SLC28A3: variants seen among roughly 807,000 people sequenced by gnomAD.
The protein encoded by SLC28A3 is concentrative Na(+)-nucleoside cotransporter 3.
Under a neutral mutation model 84.2 loss-of-function variants are expected in SLC28A3, and 68 were observed. That is an observed-to-expected ratio of 0.81 (90% CI 0.66 to 0.99). The LOEUF (loss-of-function observed/expected upper bound fraction) is 0.99. SLC28A3 is among the 50% of genes least tolerant of loss of function. The probability of loss-of-function intolerance (pLI) is 0.00; values close to 1 mark genes in which losing one functional copy is unlikely to be tolerated. For missense variants in SLC28A3, 712 were observed against 841.5 expected (o/e 0.85, Z 1.90); for synonymous variants, 267 against 303.6 (o/e 0.88, Z 1.25).
intron 3 of SLC28A3, among the ~76,000 whole-genome samples, chr9:84,306,256 C>T (rs1455383898): frequency 3.3e-5 from 5 of 152,142 alleles, no homozygotes; most frequent in Non-Finnish European, 7.4e-5. Flanking sequence ...TTTCTCCTCC[C>T]GTATAGATGA....
chr9:84,348,729 G>T, the SLC28A3 span, among the ~76,000 whole-genome samples: 1 of 152,166 alleles, frequency 6.6e-6, no homozygotes, highest in Non-Finnish European at 1.5e-5. Context: ...TGAGGAGTGG[G>T]TTAGTTATCC....
At chr9:84,357,556 G>C in the SLC28A3 span, among the ~76,000 whole-genome samples, 2 of 152,180 alleles carry the variant, frequency 1.3e-5, no homozygotes, top group East Asian at 3.9e-4. Flanking sequence ...GACCAAGTCT[G>C]AGAGCCTCAA....
intron 1 of SLC28A3, among the ~76,000 whole-genome samples, chr9:84,330,564 A>C (rs919024325): frequency 1.3e-5 from 2 of 152,232 alleles, no homozygotes; most frequent in African/African-American, 4.8e-5. Flanking sequence ...AATTTAAATT[A>C]AAAACTGAAC....
At chr9:84,297,177 C>T (rs376183826) in intron 8 of SLC28A3, 44 bp downstream of exon 8, 96 of 1,534,258 alleles carry the variant, frequency 6.3e-5, no homozygotes, top group East Asian at 3.6e-4. Context: ...AGACAGAAGC[C>T]GCTGAAATAG....
At chr9:84,303,548 GACCTCAGGTGATCCACCC>G (rs1825699168) in intron 4 of SLC28A3, among the ~76,000 whole-genome samples, 1 of 152,152 alleles carries the variant, frequency 6.6e-6, no homozygotes, top group Non-Finnish European at 1.5e-5. Context: ...TTGAACTCTT[GACCTCAGGTGATCCACCC>G]ACCTCGGCCT....
At chr9:84,338,268 T>C (rs140137585) in intron 1 of SLC28A3, among the ~76,000 whole-genome samples, 36 of 152,340 alleles carry the variant, frequency 2.4e-4, no homozygotes, top group African/African-American at 8.4e-4. Flanking sequence ...GGTGGCATGT[T>C]AATGCATATT....
In SLC28A3 at chr9:84,302,335, G is replaced by A; in HGVS notation, c.389C>T (p.Pro130Leu). ...ACVLNFHRAL[P>L]LFVITVAAIF... The stretch of plus-strand genomic sequence containing the variant: ...GGCAGCCACGGTGATCACAAAAAGA[G>A]GAAGGGCTCTGTGAAAGTTCAGCAC... Residue 130 changes from proline to leucine, a missense_variant, in exon 5 of 18, where the codon CCT (proline) becomes CTT (leucine). Transcript: ENST00000376238. The A allele has an allele frequency of 6.2e-7, 1 of 1,614,092 alleles. No individual in the cohort carries two copies. The highest frequency in any genetic ancestry group is 8.5e-7 in the Non-Finnish European group (1 of 1,179,992).
Position 84,309,623 on chromosome 9 carries a change from CTG to C in SLC28A3, c.242+4_242+5del, listed in dbSNP as rs773826607. Reference sequence around the variant, plus strand: ...CTTGGTTATTTCCCTGTTTTAAAGACTGTACCCTTTTTGTTGCATCTCCTCAT... The same window carrying C: ...CTTGGTTATTTCCCTGTTTTAAAGACTACCCTTTTTGTTGCATCTCCTCAT... On this transcript the variant is annotated splice_donor_5th_base_variant and intron_variant, in intron 3 of 17. Coordinates refer to ENST00000376238, the MANE Select transcript of SLC28A3 (RefSeq NM_001199633.2). 1.9e-6 allele frequency: 3 copies of C among 1,582,682 alleles called. No individual in the cohort carries two copies. The highest frequency in any genetic ancestry group is 2.6e-6 in the Non-Finnish European group (3 of 1,160,318).
chr9:84,360,820 G>A, the SLC28A3 span, among the ~76,000 whole-genome samples: 1 of 152,116 alleles, frequency 6.6e-6, no homozygotes, highest in South Asian at 2.1e-4. Flanking sequence ...GGAGGCTGAG[G>A]TGGAAGGATC....
intron 1 of SLC28A3, among the ~76,000 whole-genome samples, chr9:84,317,225 A>G (rs1171786348): frequency 6.6e-6 from 1 of 152,190 alleles, no homozygotes; most frequent in East Asian, 1.9e-4. Flanking sequence ...GTGAAGATCA[A>G]AAGACACAGT....
the SLC28A3 span, among the ~76,000 whole-genome samples, chr9:84,362,700 T>C: frequency 6.6e-6 from 1 of 151,912 alleles, no homozygotes; most frequent in Non-Finnish European, 1.5e-5. Flanking sequence ...GGACTGATTG[T>C]CATTTAAATC....
chr9:84,279,157 A>C (rs1156437133), intron 17 of SLC28A3, 108 bp downstream of exon 17: 2 of 1,113,634 alleles, frequency 1.8e-6, no homozygotes, highest in African/African-American at 3.4e-5. Context: ...TGGGAGACAG[A>C]GCAAGACTCC....
intron 1 of SLC28A3, among the ~76,000 whole-genome samples, chr9:84,333,978 G>A (rs1564178872): frequency 6.6e-6 from 1 of 152,250 alleles, no homozygotes; most frequent in Non-Finnish European, 1.5e-5. Context: ...GAAATGGGAT[G>A]AGCTGCAGTT....
At chr9:84,296,647 G>A (rs1270392012) in intron 8 of SLC28A3, among the ~76,000 whole-genome samples, 1 of 152,236 alleles carries the variant, frequency 6.6e-6, no homozygotes, top group Non-Finnish European at 1.5e-5. Context: ...CCTTTCCCCT[G>A]TAAAATAATG....
intron 4 of SLC28A3, among the ~76,000 whole-genome samples, chr9:84,303,353 T>C (rs949752449): frequency 6.6e-6 from 1 of 152,178 alleles, no homozygotes; most frequent in African/African-American, 2.4e-5. Flanking sequence ...GGAGTTTTGC[T>C]CTTGTTGCCC....
intron 3 of SLC28A3, among the ~76,000 whole-genome samples, chr9:84,307,430 C>CAAAAAAAAAAAAAAAAA (rs773007559): frequency 2.5e-5 from 1 of 40,772 alleles, no homozygotes; most frequent in Admixed American, 3.1e-4. Context: ...GACTCCATCT[C>CAAAAAAAAAAAAAAAAA]AAAAAAAAAA....
intron 4 of SLC28A3, 52 bp downstream of exon 4, chr9:84,305,202 G>GAAAAA: frequency 6.0e-6 from 7 of 1,165,510 alleles, no homozygotes; most frequent in South Asian, 2.8e-5. Context: ...GGGAATCCCT[G>GAAAAA]AAAAAAAAAA....
At chr9:84,351,352 C>T in the SLC28A3 span, among the ~76,000 whole-genome samples, 1 of 152,128 alleles carries the variant, frequency 6.6e-6, no homozygotes, top group African/African-American at 2.4e-5. Context: ...TAGTATCTGC[C>T]TGCAATGTTC....
At chr9:84,334,625 C>G (rs1003838905) in intron 1 of SLC28A3, among the ~76,000 whole-genome samples, 11 of 115,140 alleles carry the variant, frequency 9.6e-5, no homozygotes, top group African/African-American at 2.9e-4. Context: ...TATTTCACAA[C>G]GAATTTTTTT....
Sources: allele counts gnomAD v4.1 joint callset (sites outside exome capture counted in the v4.1 genomes callset), GRCh38; gene constraint gnomAD v4.1.1; transcripts MANE v1.5; gene names NCBI Gene and HGNC (gene_info 2026-07-23, HGNC 2026-07-21).